Variants in SCYL2 observed in about 807,000 individuals in gnomAD.
SCYL2 encodes SCY1 like pseudokinase 2, also known as SCY1-like protein 2.
In SCYL2, 36 loss-of-function variants were observed where a neutral mutation model predicts 100.4. The observed-to-expected ratio is 0.36, with a 90% CI of 0.27 to 0.47. The LOEUF is 0.47. Ranked by LOEUF, SCYL2 falls within the 20% of genes least tolerant of loss-of-function variation. The pLI, the probability that SCYL2 is intolerant of heterozygous loss-of-function variation, is 1.00. For missense variants in SCYL2, 902 were observed against 1,083.9 expected (o/e 0.83, Z 2.36); for synonymous variants, 330 against 359.2 (o/e 0.92, Z 0.92).
At position 100,317,872 on chromosome 12, in the gene SCYL2, A is replaced by T. The variant is rs928099602; in HGVS notation, c.1342A>T (p.Ser448Cys). ...TKTPPDEIKN[S>C]VLPMVYRALE... ...AACCCCTCCTGATGAGATAAAGAACAGTGTTCTACCCATGGTTTACAGAGC... is the reference window on the plus strand; with the variant it reads ...AACCCCTCCTGATGAGATAAAGAACTGTGTTCTACCCATGGTTTACAGAGC... The change falls in exon 10 of 18, where the codon AGT becomes TGT. Residue 448 changes from serine (S) to cysteine (C), a missense_variant. Coordinates refer to ENST00000360820, the MANE Select transcript of SCYL2 (RefSeq NM_017988.6). The T allele has an allele frequency of 6.2e-7, 1 of 1,608,430 alleles. No homozygotes were observed. The highest frequency in any genetic ancestry group is 8.5e-7 in the Non-Finnish European group (1 of 1,178,920).
At chr12:100,313,911 C>T (rs1347511636) in intron 7 of SCYL2, among the ~76,000 whole-genome samples, 1 of 135,800 alleles carries the variant, frequency 7.4e-6, no homozygotes, top group Non-Finnish European at 1.5e-5. Context: ...GACAGAGTTT[C>T]ACTCTGTCAC....
At chr12:100,312,388 G>T in intron 5 of SCYL2, 44 bp from the exon 6 acceptor site, 1 of 1,341,130 alleles carries the variant, frequency 7.5e-7, no homozygotes, top group Non-Finnish European at 1.1e-6. Context: ...ATAGTTGTTT[G>T]GTTGAATTTG....
chr12:100,294,768 C>T (rs1592940732), intron 3 of SCYL2, among the ~76,000 whole-genome samples: 10 of 146,890 alleles, frequency 6.8e-5, no homozygotes, highest in Middle Eastern at 3.8e-3. Flanking sequence ...ACCTCCCTCC[C>T]GGACGGGGCG....
chr12:100,284,696 C>G (rs1566346100), intron 2 of SCYL2, among the ~76,000 whole-genome samples: 1 of 152,142 alleles, frequency 6.6e-6, no homozygotes, highest in African/African-American at 2.4e-5. Flanking sequence ...CTCCTGACCT[C>G]AAGTGATCCG....
At chr12:100,292,119 C>A (rs1481358127) in intron 3 of SCYL2, 1 of 152,694 alleles carries the variant, frequency 6.5e-6, no homozygotes, top group African/African-American at 2.4e-5. Context: ...ACTTTACCAT[C>A]TATTTTTCTC....
chr12:100,283,980 A>G (rs1237924149), intron 2 of SCYL2, among the ~76,000 whole-genome samples: 1 of 152,194 alleles, frequency 6.6e-6, no homozygotes, highest in Non-Finnish European at 1.5e-5. Context: ...TCAATTCACC[A>G]TAAGCTCATC....
chr12:100,321,923 G>T (rs2135918596), intron 10 of SCYL2, among the ~76,000 whole-genome samples: 1 of 151,934 alleles, frequency 6.6e-6, no homozygotes, highest in East Asian at 1.9e-4. Context: ...GGCAGTGCAT[G>T]CCTGTAGTGC....
intron 10 of SCYL2, among the ~76,000 whole-genome samples, chr12:100,322,895 G>GC (rs1376483583): frequency 6.6e-6 from 1 of 151,312 alleles, no homozygotes; most frequent in Non-Finnish European, 1.5e-5. Context: ...GGGCATGATG[G>GC]CGTGTACCTG....
rs367916016 is a variant in SCYL2 at position 100,327,536 on chromosome 12, A to T, written c.1642+782A>T. Among the ~76,000 whole-genome samples the T allele has an allele frequency of 4.8e-4, 71 of 148,320 alleles. 1 individual carries two copies. In the South Asian group the frequency reaches 0.01, roughly 22 times the overall value. Reference sequence around the variant, plus strand: ...TTTGCTAATTTTTTTTTTTTTTGAGATGGAGTCTCATTCTGTCACCCAGGA... The same window carrying T: ...TTTGCTAATTTTTTTTTTTTTTGAGTTGGAGTCTCATTCTGTCACCCAGGA... On this transcript the variant is annotated intron_variant, in intron 12 of 17. Coordinates refer to ENST00000360820, the MANE Select transcript of SCYL2 (RefSeq NM_017988.6).
At chr12:100,294,437 T>A in intron 3 of SCYL2, among the ~76,000 whole-genome samples, 2 of 35,382 alleles carry the variant, frequency 5.7e-5, no homozygotes, top group South Asian at 1.4e-3. Context: ...GGGGGGCTCC[T>A]CACTTCCCAG....
At position 100,338,682 on chromosome 12, in the gene SCYL2, G is replaced by T. The variant is rs1370626217; in HGVS notation, c.2300G>T (p.Arg767Ile). Residue 767 changes from arginine (R) to isoleucine (I), a missense_variant, in exon 18 of 18, where the codon AGA (arginine) becomes ATA (isoleucine). By Grantham distance (97) the Arg-to-Ile change is moderately conservative. Coordinates refer to ENST00000360820, the MANE Select transcript of SCYL2 (RefSeq NM_017988.6). ...MFSTPTDNTK[R>I]NLTNGLNANM... The stretch of plus-strand genomic sequence containing the variant: ...TCTACACCAACTGATAATACAAAGA[G>T]AAATTTGACAAATGGCCTAAATGCC... The T allele has an allele frequency of 6.2e-7, 1 of 1,613,922 alleles. No homozygotes were observed. The highest frequency in any genetic ancestry group is 1.1e-5 in the South Asian group (1 of 91,084).
At chr12:100,309,085 C>T (rs543020395) in intron 4 of SCYL2, among the ~76,000 whole-genome samples, 2 of 149,998 alleles carry the variant, frequency 1.3e-5, no homozygotes, top group Non-Finnish European at 3.0e-5. Flanking sequence ...GAGTGCTCAC[C>T]TGATTTTTGG....
chr12:100,309,534 C>A (rs1254541000), intron 4 of SCYL2, among the ~76,000 whole-genome samples: 1 of 152,178 alleles, frequency 6.6e-6, no homozygotes. Flanking sequence ...AAGGTTCATC[C>A]ATGTTGTAGC....
intron 11 of SCYL2, among the ~76,000 whole-genome samples, chr12:100,324,377 T>C (rs2096359503): frequency 6.6e-6 from 1 of 152,190 alleles, no homozygotes; most frequent in Non-Finnish European, 1.5e-5. Context: ...ATGTTCTCTT[T>C]TGCCTGACCA....
At chr12:100,334,077 A>G (rs1353832017) in intron 13 of SCYL2, 89 bp from the exon 14 acceptor site, 15 of 766,104 alleles carry the variant, frequency 2.0e-5, no homozygotes, top group Non-Finnish European at 3.3e-5. Flanking sequence ...AATGGAGAAT[A>G]TTATGATTAA....
intron 4 of SCYL2, 117 bp downstream of exon 4, chr12:100,298,292 A>G: frequency 2.8e-6 from 2 of 709,834 alleles, no homozygotes; most frequent in South Asian, 4.7e-5. Context: ...TCTTGTTAGT[A>G]ATTTAGTCAT....
At chr12:100,281,424 T>C (rs1408449807) in intron 1 of SCYL2, among the ~76,000 whole-genome samples, 1 of 152,170 alleles carries the variant, frequency 6.6e-6, no homozygotes, top group Non-Finnish European at 1.5e-5. Context: ...TGGTGGCTTA[T>C]TTATGCCTGT....
intron 10 of SCYL2, among the ~76,000 whole-genome samples, chr12:100,322,828 C>T (rs532836695): frequency 6.6e-6 from 1 of 150,736 alleles, no homozygotes; most frequent in East Asian, 2.0e-4. Flanking sequence ...TCACTACACT[C>T]CAGCCTGGGC....
intron 3 of SCYL2, among the ~76,000 whole-genome samples, chr12:100,295,520 AC>A (rs1286599338): frequency 1.3e-5 from 2 of 151,792 alleles, no homozygotes; most frequent in African/African-American, 4.8e-5. Context: ...ACACAGCGAA[AC>A]CCCGTCTCCA....
Sources: allele counts gnomAD v4.1 joint callset (sites outside exome capture counted in the v4.1 genomes callset), GRCh38; gene constraint gnomAD v4.1.1; transcripts MANE v1.5; gene names NCBI Gene and HGNC (gene_info 2026-07-23, HGNC 2026-07-21).